METTL8: variants seen among roughly 807,000 people sequenced by gnomAD.
METTL8 encodes methyltransferase 8, tRNA N3-cytidine, also known as tRNA N(3)-cytidine methyltransferase METTL8, mitochondrial.
Under a neutral mutation model 48.7 loss-of-function variants are expected in METTL8, and 32 were observed. The observed-to-expected ratio is 0.66, with a 90% confidence interval of 0.50 to 0.88. The LOEUF (loss-of-function observed/expected upper bound fraction) is 0.88. Among genes scored for constraint, METTL8 ranks in the 40% least tolerant of loss-of-function variants. The pLI is 0.00. For missense variants in METTL8, 464 were observed against 474.4 expected (o/e 0.98, Z 0.20); for synonymous variants, 136 against 157.1 (o/e 0.87, Z 1.01).
At chr2:171,376,436 T>C (rs762346450) in intron 2 of METTL8, among the ~76,000 whole-genome samples, 5 of 152,064 alleles carry the variant, frequency 3.3e-5, no homozygotes, top group Non-Finnish European at 7.4e-5. Flanking sequence ...TATAATCATA[T>C]ACCTAAAAAA....
intron 2 of METTL8, among the ~76,000 whole-genome samples, chr2:171,361,944 G>A (rs1685209023): frequency 6.6e-6 from 1 of 152,200 alleles, no homozygotes; most frequent in African/African-American, 2.4e-5. Flanking sequence ...GGGCAAATAG[G>A]AAGGCTTAAG....
upstream of METTL8, chr2:171,434,482 G>C: frequency 6.6e-7 from 1 of 1,517,832 alleles, no homozygotes; most frequent in Non-Finnish European, 8.8e-7. Context: ...GAAAGTCTGG[G>C]CCTCGAAATT....
intron 3 of METTL8, among the ~76,000 whole-genome samples, chr2:171,341,985 G>A (rs1686825471): frequency 6.6e-6 from 1 of 151,948 alleles, no homozygotes; most frequent in Non-Finnish European, 1.5e-5. Flanking sequence ...ATTTTCATTT[G>A]AATTTTGATC....
chr2:171,421,449 CA>C (rs35282555), intron 1 of METTL8, among the ~76,000 whole-genome samples: 148,847 of 151,116 alleles, frequency 0.98, 73,343 homozygotes, highest in Middle Eastern at 1. Context: ...GACCTTACTT[CA>C]AAAAAAAAAT....
Position 171,322,038 on chromosome 2 carries a change from C to A in METTL8, c.*2134G>T, listed in dbSNP as rs1478196768. 3 of 151,288 alleles carry A rather than the reference C, an allele frequency of 2.0e-5. No individual in the cohort carries two copies. The highest frequency in any genetic ancestry group is 4.4e-5 in the Non-Finnish European group (3 of 67,934). 9.4% of individuals were successfully genotyped at this position (151,288 alleles called of 1,614,324 possible). ...AGGGCAGTGGTGTCATCTCGGCTCA[C>A]TGCAACCTCTGCCTCCCGGGTTCAA... On this transcript the variant is annotated 3_prime_UTR_variant, in exon 10 of 10. Coordinates refer to ENST00000375258, the MANE Select transcript of METTL8 (RefSeq NM_001321154.2).
At chr2:171,405,070 T>C (rs1286879090) in intron 1 of METTL8, among the ~76,000 whole-genome samples, 1 of 152,130 alleles carries the variant, frequency 6.6e-6, no homozygotes, top group East Asian at 1.9e-4. Flanking sequence ...ACAGAGTTCA[T>C]ACACACAGGC....
chr2:171,385,324 A>G (rs542573694), intron 2 of METTL8, among the ~76,000 whole-genome samples: 77 of 151,472 alleles, frequency 5.1e-4, no homozygotes, highest in African/African-American at 1.8e-3. Context: ...GTGACAGGGC[A>G]AGACCCTGTC....
At chr2:171,431,705 C>T (rs1693041599) in intron 1 of METTL8, among the ~76,000 whole-genome samples, 1 of 152,228 alleles carries the variant, frequency 6.6e-6, no homozygotes, top group Non-Finnish European at 1.5e-5. Flanking sequence ...GGTAGCCACC[C>T]TATGCAACAA....
chr2:171,394,838 T>C (rs575667015), intron 1 of METTL8, among the ~76,000 whole-genome samples: 1 of 152,240 alleles, frequency 6.6e-6, no homozygotes, highest in Non-Finnish European at 1.5e-5. Context: ...TTGTCTGACA[T>C]AAATCTAATT....
chr2:171,395,882 C>T, intron 1 of METTL8, among the ~76,000 whole-genome samples: 1 of 152,172 alleles, frequency 6.6e-6, no homozygotes, highest in East Asian at 1.9e-4. Flanking sequence ...GAACATCATA[C>T]AGCAATAGCA....
chr2:171,391,365 A>G (rs1031739402), intron 2 of METTL8, among the ~76,000 whole-genome samples: 1 of 152,230 alleles, frequency 6.6e-6, no homozygotes, highest in African/African-American at 2.4e-5. Context: ...GCTTTACTGC[A>G]GTGGTCTCAA....
At chr2:171,401,054 G>A (rs76227678) in intron 1 of METTL8, among the ~76,000 whole-genome samples, 10,890 of 152,064 alleles carry the variant, frequency 0.072, 678 homozygotes, top group African/African-American at 0.17. Flanking sequence ...CTTTAAATAA[G>A]TAAATTAGTG....
At chr2:171,332,774 G>C (rs1319797720) in intron 5 of METTL8, 3 of 152,186 alleles carry the variant, frequency 2.0e-5, no homozygotes, top group Non-Finnish European at 4.4e-5. Context: ...GGTGTCAAGA[G>C]GGTCAGCACC....
chr2:171,413,872 A>AG (rs1326528859), intron 1 of METTL8, among the ~76,000 whole-genome samples: 1 of 152,326 alleles, frequency 6.6e-6, no homozygotes, highest in African/African-American at 2.4e-5. Flanking sequence ...TGGCAAACTG[A>AG]GGGGGCACTG....
At chr2:171,352,945 G>A (rs906493766) in intron 3 of METTL8, among the ~76,000 whole-genome samples, 1 of 152,030 alleles carries the variant, frequency 6.6e-6, no homozygotes, top group African/African-American at 2.4e-5. Flanking sequence ...ATTTTTTGAA[G>A]GGTTTTTTGT....
intron 1 of METTL8, among the ~76,000 whole-genome samples, chr2:171,392,471 T>G (rs539114382): frequency 6.6e-6 from 1 of 152,206 alleles, no homozygotes; most frequent in African/African-American, 2.4e-5. Context: ...ATTTGCTTAT[T>G]TAATTTTTAG....
chr2:171,411,521 A>C (rs1040455123), intron 1 of METTL8, among the ~76,000 whole-genome samples: 5 of 152,222 alleles, frequency 3.3e-5, no homozygotes, highest in African/African-American at 9.6e-5. Flanking sequence ...GAGTTAGAAT[A>C]CATATATAAG....
intron 3 of METTL8, among the ~76,000 whole-genome samples, chr2:171,350,385 T>C (rs1474489143): frequency 6.6e-6 from 1 of 152,208 alleles, no homozygotes; most frequent in African/African-American, 2.4e-5. Flanking sequence ...GGGTTGGTTC[T>C]AAGTCTTTGC....
At chr2:171,343,761 T>G (rs1267176381) in intron 3 of METTL8, among the ~76,000 whole-genome samples, 1 of 152,212 alleles carries the variant, frequency 6.6e-6, no homozygotes, top group African/African-American at 2.4e-5. Context: ...GTTTAAGCTC[T>G]AAAAATTCTG....
Sources: allele counts gnomAD v4.1 joint callset (sites outside exome capture counted in the v4.1 genomes callset), GRCh38; gene constraint gnomAD v4.1.1; transcripts MANE v1.5; gene names NCBI Gene and HGNC (gene_info 2026-07-23, HGNC 2026-07-21).